PSD2: variants seen among roughly 807,000 people sequenced by gnomAD.
PSD2 encodes the protein pleckstrin and Sec7 domain containing 2, also known as PH and SEC7 domain-containing protein 2.
In PSD2, 38 loss-of-function variants were observed where a neutral mutation model predicts 69.8. That is an observed-to-expected ratio of 0.54 (90% CI 0.42 to 0.71). The LOEUF is 0.71. Among genes scored for constraint, PSD2 ranks in the 30% least tolerant of loss-of-function variants. The probability of loss-of-function intolerance (pLI) is 0.00; values close to 1 mark genes in which losing one functional copy is unlikely to be tolerated. For synonymous variants in PSD2, 412 were observed against 423.0 expected (o/e 0.97, Z 0.32); for missense variants, 943 against 1,014.5 (o/e 0.93, Z 0.96).
intron 4 of PSD2, 87 bp from the exon 5 acceptor site, chr5:139,817,394 G>T (rs985244592): frequency 8.1e-7 from 1 of 1,241,620 alleles, no homozygotes; most frequent in South Asian, 1.2e-5. Context: ...GGTGGGTCCG[G>T]GTACCCTGGG....
At chr5:139,753,028 C>T in the PSD2 span, among the ~76,000 whole-genome samples, 1 of 151,858 alleles carries the variant, frequency 6.6e-6, no homozygotes, top group Non-Finnish European at 1.5e-5. Flanking sequence ...TGTCTTCATT[C>T]TTGCCTTTCT....
Position 139,839,230 on chromosome 5 carries a change from G to A in PSD2, c.1968+458G>A, listed in dbSNP as rs987570033. On this transcript the variant is annotated intron_variant, in intron 13 of 14. Transcript: ENST00000274710. This position sits in a 1 kb window ranked among gnomAD's most constrained non-coding sequence, Gnocchi z 5.1. Reference sequence around the variant, plus strand: ...AGGTTCTCAGGGCTTCTTTGGAGAGGACAGGAGAAATGGTGGCCCGGAGCT... The same window carrying A: ...AGGTTCTCAGGGCTTCTTTGGAGAGAACAGGAGAAATGGTGGCCCGGAGCT... Among the ~76,000 whole-genome samples the A allele has an allele frequency of 6.6e-6, 1 of 152,238 alleles. No individual in the cohort carries two copies. Among genetic ancestry groups the A allele is most frequent in the African/African-American group, 2.4e-5 (1 of 41,468 alleles).
rs750801004 is a variant in PSD2 at position 139,840,013 on chromosome 5, A to G, written c.1969-14A>G. 1 of 1,614,084 alleles carries G rather than the reference A, an allele frequency of 6.2e-7. No individual in the cohort carries two copies. The highest frequency in any genetic ancestry group is 1.7e-5 in the Admixed American group (1 of 60,012). Reference sequence around the variant, plus strand: ...TGAGAGTAAGGCCTCACAGTCCAGGATTTGTCTTTGCAGGAGGAGCAACTG... The same window carrying G: ...TGAGAGTAAGGCCTCACAGTCCAGGGTTTGTCTTTGCAGGAGGAGCAACTG... On this transcript the variant is annotated splice_polypyrimidine_tract_variant and intron_variant, in intron 13 of 14. Transcript: ENST00000274710.
At chr5:139,813,897 C>A in intron 3 of PSD2, 139 bp downstream of exon 3, 1 of 779,356 alleles carries the variant, frequency 1.3e-6, no homozygotes, top group Non-Finnish European at 2.0e-6. Context: ...CCTCTGCATC[C>A]AGGCTTCCCA....
chr5:139,809,021 C>A (rs1759881391), intron 1 of PSD2, among the ~76,000 whole-genome samples: 1 of 152,210 alleles, frequency 6.6e-6, no homozygotes, highest in South Asian at 2.1e-4. Context: ...GGTTTGTCAC[C>A]ATCACTCACC....
chr5:139,786,080 C>A, the PSD2 span, among the ~76,000 whole-genome samples: 1 of 152,076 alleles, frequency 6.6e-6, no homozygotes, highest in Non-Finnish European at 1.5e-5. Context: ...CAGAGTGAGA[C>A]CCTGTCTCAA....
chr5:139,809,480 G>C lies in PSD2; in HGVS notation c.40G>C (p.Gly14Arg). The C allele has an allele frequency of 6.2e-7, 1 of 1,612,778 alleles. No homozygotes were observed. The highest frequency in any genetic ancestry group is 8.5e-7 in the Non-Finnish European group (1 of 1,179,544). Residue 14 changes from glycine (G) to arginine (R), a missense_variant, in exon 2 of 15, where the codon GGC (glycine) becomes CGC (arginine). Transcript: ENST00000274710. ...GCTCTTATCTGCAGTGCCTGAGGAA[G>C]GCGATGCCACCCGTGACCCCGGTCC... Reference protein sequence around the residue: ...DKLLSAVPEEGDATRDPGPEP... With the variant: ...DKLLSAVPEERDATRDPGPEP...
chr5:139,762,984 T>C, the PSD2 span, among the ~76,000 whole-genome samples: 1 of 152,058 alleles, frequency 6.6e-6, no homozygotes, highest in African/African-American at 2.4e-5. Context: ...TTAGTCACAT[T>C]CTGCAGCGCC....
chr5:139,799,196 T>C (rs1379206659), intron 1 of PSD2, among the ~76,000 whole-genome samples: 1 of 152,212 alleles, frequency 6.6e-6, no homozygotes, highest in Admixed American at 6.5e-5. Context: ...CAGGGGTCCC[T>C]GTATTTCAAT....
intron 1 of PSD2, among the ~76,000 whole-genome samples, chr5:139,797,552 A>T (rs1215792868): frequency 6.6e-6 from 1 of 152,212 alleles, no homozygotes; most frequent in East Asian, 1.9e-4. Flanking sequence ...AGACCTGACA[A>T]ATAGTGCCTC....
the PSD2 span, among the ~76,000 whole-genome samples, chr5:139,759,368 C>T: frequency 1.3e-5 from 2 of 152,048 alleles, no homozygotes; most frequent in African/African-American, 2.4e-5. Context: ...TCTCCCTGCT[C>T]CTGCCTCCTG....
At chr5:139,813,819 G>A in intron 3 of PSD2, 61 bp downstream of exon 3, 1 of 1,427,514 alleles carries the variant, frequency 7.0e-7, no homozygotes, top group Non-Finnish European at 9.5e-7. Flanking sequence ...GACCCAGAGG[G>A]GGCAAAGCAG....
chr5:139,796,216 G>A (rs1759521621), intron 1 of PSD2, among the ~76,000 whole-genome samples: 1 of 152,230 alleles, frequency 6.6e-6, no homozygotes. Context: ...CCGGGTCTGG[G>A]CCGGGGAGAG....
the PSD2 span, among the ~76,000 whole-genome samples, chr5:139,768,488 C>T: frequency 2.6e-5 from 4 of 152,186 alleles, no homozygotes; most frequent in South Asian, 8.3e-4. Context: ...TTTGGGAGGC[C>T]GAGGTGGGTG....
the PSD2 span, among the ~76,000 whole-genome samples, chr5:139,747,691 C>T: frequency 6.6e-5 from 10 of 152,238 alleles, no homozygotes; most frequent in Non-Finnish European, 2.9e-5. This position sits in a 1 kb window ranked among gnomAD's most constrained non-coding sequence, Gnocchi z 6.7. Flanking sequence ...GTGAGCCGGC[C>T]TCACGCCGTC....
chr5:139,767,877 A>G, the PSD2 span, among the ~76,000 whole-genome samples: 1 of 152,254 alleles, frequency 6.6e-6, no homozygotes, highest in Non-Finnish European at 1.5e-5. Context: ...CTCAGTGATG[A>G]CCAGCTCACA....
intron 6 of PSD2, 137 bp downstream of exon 6, chr5:139,822,142 T>C (rs1350457741): frequency 7.2e-6 from 4 of 553,612 alleles, no homozygotes; most frequent in Admixed American, 6.4e-5. Flanking sequence ...ATGCAGTAGG[T>C]GCTCAATGAA....
chr5:139,836,922 C>A lies in PSD2; in HGVS notation c.1515C>A (p.Val505=), dbSNP rs140585094. 2 of 1,614,170 alleles carry A rather than the reference C, an allele frequency of 1.2e-6. No homozygotes were observed. The highest frequency in any genetic ancestry group is 1.7e-6 in the Non-Finnish European group (2 of 1,180,024). The part of the protein sequence containing the change: ...ILDGGNPFLD[V]PQALSATTYK... ...ATGGTGGCAACCCCTTCCTGGATGT[C>A]CCACAGGCGCTCAGTGCCACCACCT... Residue 505 remains valine (V), a synonymous_variant, in exon 10 of 15, where the codon GTC becomes GTA. Coordinates refer to ENST00000274710, the MANE Select transcript of PSD2 (RefSeq NM_032289.4).
intron 1 of PSD2, among the ~76,000 whole-genome samples, chr5:139,796,754 C>T (rs1272298874): frequency 6.6e-6 from 1 of 152,188 alleles, no homozygotes; most frequent in African/African-American, 2.4e-5. Flanking sequence ...TTTGCATAGG[C>T]CCAGGGGGCC....
Sources: gnomAD v4.1 joint callset for allele counts (sites outside exome capture counted in the v4.1 genomes callset) on GRCh38, gnomAD v4.1.1 for gene constraint, Gnocchi (gnomAD v3.1) non-coding constraint, MANE v1.5 for transcripts, NCBI Gene and HGNC (gene_info 2026-07-23, HGNC 2026-07-21) for gene names.